The following DMRT1 variants were observed in gnomAD, a reference collection of about 807,000 sequenced individuals.
DMRT1 encodes the protein doublesex and mab-3 related transcription factor 1.
In DMRT1, 7 loss-of-function variants were observed where a neutral mutation model predicts 32.3. That is an observed-to-expected ratio of 0.22 (90% CI 0.12 to 0.41). The LOEUF is 0.41. DMRT1 is among the 10% of genes least tolerant of loss of function. The probability of loss-of-function intolerance (pLI) is 1.00; values close to 1 mark genes in which losing one functional copy is unlikely to be tolerated. For missense variants in DMRT1, 625 were observed against 500.5 expected (o/e 1.25, Z -2.37); for synonymous variants, 278 against 206.1 (o/e 1.35, Z -2.99).
chr9:863,587 C>T (rs888268211), intron 2 of DMRT1, among the ~76,000 whole-genome samples: 1 of 152,156 alleles, frequency 6.6e-6, no homozygotes, highest in Non-Finnish European at 1.5e-5. Context: ...TGCCATCTAA[C>T]TGATTGAGCA....
chr9:855,771 C>T (rs1815373739), intron 2 of DMRT1, among the ~76,000 whole-genome samples: 2 of 152,206 alleles, frequency 1.3e-5, no homozygotes, highest in Non-Finnish European at 2.9e-5. Context: ...GCACGTGCCA[C>T]CACTCCTGGC....
intron 2 of DMRT1, among the ~76,000 whole-genome samples, chr9:891,197 A>T (rs552705682): frequency 1.0e-3 from 153 of 151,978 alleles, no homozygotes; most frequent in African/African-American, 3.4e-3. Flanking sequence ...TAAAAAAAAA[A>T]AAAGCTAAGA....
rs767883132 is a variant in DMRT1, at chr9:916,852, G to T, written c.912G>T (p.Val304=). The T allele has an allele frequency of 6.2e-7, 1 of 1,614,092 alleles. No homozygotes were observed. The highest frequency in any genetic ancestry group is 8.5e-7 in the Non-Finnish European group (1 of 1,180,046). The change falls in exon 4 of 5, where the codon GTG becomes GTT. Residue 304 remains valine, a synonymous_variant. Transcript: ENST00000382276. ...YPPPSYLGQS[V]PQFFTFEDAP... ...CTCCCTCTTACCTGGGCCAGAGCGT[G>T]CCCCAGTTCTTCACTTTTGAGGATG...
chr9:948,997 G>C (rs1819342005), intron 4 of DMRT1, among the ~76,000 whole-genome samples: 1 of 151,824 alleles, frequency 6.6e-6, no homozygotes, highest in Admixed American at 6.6e-5. Context: ...GAAAGCTGAA[G>C]TAGGAGAATC....
intron 4 of DMRT1, among the ~76,000 whole-genome samples, chr9:918,188 A>T (rs1259868103): frequency 6.6e-6 from 1 of 152,246 alleles, no homozygotes. Flanking sequence ...TTTGGCCTGT[A>T]AGGGCGTGCA....
chr9:931,237 G>A (rs1307398827), intron 4 of DMRT1, among the ~76,000 whole-genome samples: 1 of 152,158 alleles, frequency 6.6e-6, no homozygotes, highest in African/African-American at 2.4e-5. Context: ...TATATGGAGG[G>A]GCTTGGTTTA....
intron 4 of DMRT1, among the ~76,000 whole-genome samples, chr9:956,023 A>G (rs1470934143): frequency 6.6e-6 from 1 of 152,246 alleles, no homozygotes; most frequent in Admixed American, 6.5e-5. Context: ...TGCAACGCAA[A>G]TGACCATTAG....
intron 4 of DMRT1, among the ~76,000 whole-genome samples, chr9:962,023 G>A (rs1438810467): frequency 2.0e-5 from 3 of 152,226 alleles, no homozygotes; most frequent in African/African-American, 4.8e-5. Flanking sequence ...GAGTTAGCCA[G>A]TCTGTGGTTT....
chr9:906,010 A>G (rs1031341420), intron 3 of DMRT1, among the ~76,000 whole-genome samples: 1 of 129,398 alleles, frequency 7.7e-6, no homozygotes, highest in Admixed American at 9.1e-5. Context: ...GTCTCTCAAG[A>G]TGCTTCTGTG....
At chr9:886,325 G>A (rs772645290) in intron 2 of DMRT1, among the ~76,000 whole-genome samples, 27 of 152,102 alleles carry the variant, frequency 1.8e-4, no homozygotes, top group Non-Finnish European at 3.2e-4. Flanking sequence ...GTGCGATCTC[G>A]GCTCACTGCA....
intron 2 of DMRT1, among the ~76,000 whole-genome samples, chr9:866,851 G>T (rs985995952): frequency 3.9e-5 from 6 of 152,154 alleles, no homozygotes; most frequent in Non-Finnish European, 5.9e-5. Context: ...CTGAGAGATG[G>T]AATTATGAGT....
chr9:955,960 G>A (rs866125849), intron 4 of DMRT1, among the ~76,000 whole-genome samples: 1 of 152,206 alleles, frequency 6.6e-6, no homozygotes. Context: ...AAAGCAGGGT[G>A]TCAAAGAGAT....
chr9:846,116 C>T (rs1838893045), intron 1 of DMRT1, among the ~76,000 whole-genome samples: 1 of 151,034 alleles, frequency 6.6e-6, no homozygotes. Flanking sequence ...ACTGCAACCT[C>T]TGCCTCCTGG....
intron 4 of DMRT1, among the ~76,000 whole-genome samples, chr9:941,979 G>C (rs762213373): frequency 6.6e-6 from 1 of 152,100 alleles, no homozygotes. Context: ...AGTGAGCTTG[G>C]CTTTCTATCC....
At chr9:878,515 T>C (rs1013174489) in intron 2 of DMRT1, among the ~76,000 whole-genome samples, 1 of 152,074 alleles carries the variant, frequency 6.6e-6, no homozygotes, top group African/African-American at 2.4e-5. Context: ...ATTATGACTT[T>C]AGGGAGTAAT....
At chr9:853,240 C>T (rs6477308) in intron 2 of DMRT1, among the ~76,000 whole-genome samples, 64,275 of 151,694 alleles carry the variant, frequency 0.42, 13,811 homozygotes, top group East Asian at 0.59. Context: ...TGAACTTACA[C>T]TGATGCATCA....
At chr9:908,713 T>C (rs56863870) in intron 3 of DMRT1, among the ~76,000 whole-genome samples, 10,036 of 152,178 alleles carry the variant, frequency 0.066, 594 homozygotes, top group East Asian at 0.19. Flanking sequence ...TGTTTTTGCA[T>C]GTGTAGTGGG....
intron 4 of DMRT1, among the ~76,000 whole-genome samples, chr9:956,517 T>C (rs1586663053): frequency 6.6e-6 from 1 of 151,372 alleles, no homozygotes; most frequent in East Asian, 1.9e-4. Context: ...TGAGTTATGA[T>C]TGAGCCATTG....
intron 2 of DMRT1, among the ~76,000 whole-genome samples, chr9:859,580 C>A (rs928565143): frequency 2.0e-5 from 3 of 152,122 alleles, no homozygotes; most frequent in African/African-American, 7.2e-5. Context: ...ACAAAAAAAT[C>A]CAATTCGGTG....
Sources: allele counts gnomAD v4.1 joint callset (sites outside exome capture counted in the v4.1 genomes callset), GRCh38; gene constraint gnomAD v4.1.1; transcripts MANE v1.5; gene names NCBI Gene and HGNC (gene_info 2026-07-23, HGNC 2026-07-21).